Variants in NMRAL1 observed in about 807,000 individuals in gnomAD.
NMRAL1 encodes NmrA like redox sensor 1.
In NMRAL1, 32 loss-of-function variants were observed where a neutral mutation model predicts 27.5. The observed-to-expected ratio is 1.16, with a 90% CI of 0.88 to 1.56. The LOEUF (loss-of-function observed/expected upper bound fraction) is 1.56, where lower values mean the gene tolerates loss of function less well. Ranked by LOEUF, NMRAL1 falls within the 40% of genes most tolerant of loss-of-function variation. NMRAL1 has a pLI of 0.00. For missense variants in NMRAL1, 420 were observed against 392.0 expected (o/e 1.07, Z -0.60); for synonymous variants, 166 against 166.8 (o/e 1.00, Z 0.04).
In NMRAL1 at chr16:4,461,779, G is replaced by C. The variant is rs773633426; in HGVS notation, c.*1C>G. 9 of 1,610,550 alleles carry C rather than the reference G, an allele frequency of 5.6e-6. No homozygotes were observed. The South Asian group carries it at 7.7e-5, about 14-fold the overall frequency. ...CCACAAGGGGCCGCGAGGCGGGCAGGTCACAGCAGGTTGAAGTCCCCTTTG... is the reference window on the plus strand; with the variant it reads ...CCACAAGGGGCCGCGAGGCGGGCAGCTCACAGCAGGTTGAAGTCCCCTTTG... On this transcript the variant is annotated 3_prime_UTR_variant, in exon 6 of 6. Transcript: ENST00000283429.
intron 5 of NMRAL1, among the ~76,000 whole-genome samples, chr16:4,462,664 A>T (rs1031811314): frequency 6.6e-6 from 1 of 152,020 alleles, no homozygotes; most frequent in Non-Finnish European, 1.5e-5. Flanking sequence ...GCTTGAGCCC[A>T]GGAGTTAGGC....
intron 3 of NMRAL1, chr16:4,466,632 G>A (rs1032035243): frequency 1.8e-6 from 1 of 564,524 alleles, no homozygotes; most frequent in Non-Finnish European, 3.2e-6. Context: ...CCCACCATGT[G>A]CAACATAGGA....
intron 4 of NMRAL1, among the ~76,000 whole-genome samples, chr16:4,465,245 A>G (rs1051685302): frequency 1.2e-4 from 19 of 152,188 alleles, no homozygotes; most frequent in African/African-American, 4.6e-4. Flanking sequence ...GTGGTACCAA[A>G]GGGCTACTGT....
At chr16:4,474,052 G>C in intron 2 of NMRAL1, 41 bp downstream of exon 2, 1 of 1,552,694 alleles carries the variant, frequency 6.4e-7, no homozygotes, top group Middle Eastern at 1.7e-4. Context: ...AGGGCTAGGC[G>C]CCCTGGCTCT....
At chr16:4,474,774 C>T (rs1387382073), upstream of NMRAL1, 1 of 152,376 alleles carries the variant, frequency 6.6e-6, no homozygotes, top group Non-Finnish European at 1.5e-5. Flanking sequence ...GCCTCTTAAC[C>T]GGATGCTACG....
chr16:4,474,321 G>A (rs1015934317), intron 1 of NMRAL1, 155 bp from the exon 2 acceptor site: 20 of 579,250 alleles, frequency 3.5e-5, no homozygotes, highest in Non-Finnish European at 5.9e-5. Context: ...TCGGGGTCCC[G>A]CGACCCACCT....
At chr16:4,463,602 T>G (rs956083987) in intron 5 of NMRAL1, 58 bp downstream of exon 5, 10 of 1,537,064 alleles carry the variant, frequency 6.5e-6, no homozygotes, top group South Asian at 4.5e-5. Flanking sequence ...ACACCCTCCC[T>G]ACGGGAGCTA....
At position 4,471,300 on chromosome 16, in the gene NMRAL1, T is replaced by C. The variant is rs2057555139; in HGVS notation, c.41-1835A>G. On this transcript the variant is annotated intron_variant, in intron 2 of 5. Transcript: ENST00000283429. ...AGCTTGAGTCACACAGGCATGCGCA[T>C]CGGTCAGATGTACCCTTAAGATTTT... 4.6e-5 allele frequency: 7 copies of C among 152,218 alleles called. No individual in the cohort carries two copies. The South Asian group carries it at 1.4e-3, about 32-fold the overall frequency. The allele number at this position is 152,218 out of a possible 1,614,324, so 9.4% of individuals were successfully genotyped here. A position where few individuals can be genotyped will look rare whatever the true frequency, so the allele number is the denominator to read the frequency against.
Position 4,469,367 on chromosome 16 carries a change from G to C in NMRAL1, c.139C>G (p.Leu47Val), listed in dbSNP as rs779567114. The C allele has an allele frequency of 2.5e-6, 4 of 1,614,076 alleles. No individual in the cohort carries two copies. In the South Asian group the frequency reaches 3.3e-5, roughly 13 times the overall value. ...RNPRKKAAKE[L>V]RLQGAEVVQG... ...ACTACTTCTGCACCTTGCAGCCTCA[G>C]CTCCTTTGCTGCCTTCTTCCTAGGG... is the stretch of plus-strand genomic sequence containing the variant. Residue 47 changes from leucine to valine, a missense_variant, in exon 3 of 6, where the codon CTG (leucine) becomes GTG (valine). Transcript: ENST00000283429.
At chr16:4,462,079 G>A (rs1332622540) in intron 5 of NMRAL1, 120 bp from the exon 6 acceptor site, 5 of 794,612 alleles carry the variant, frequency 6.3e-6, no homozygotes, top group East Asian at 2.5e-5. Flanking sequence ...CTATTGTCTC[G>A]GTCCCTGACC....
At chr16:4,467,585 C>G (rs2057376537) in intron 3 of NMRAL1, among the ~76,000 whole-genome samples, 1 of 151,928 alleles carries the variant, frequency 6.6e-6, no homozygotes, top group South Asian at 2.1e-4. Context: ...TTTTGAACTT[C>G]TAGCTTCTAG....
chr16:4,463,710 ACTC>A lies in NMRAL1; in HGVS notation c.667_669del (p.Glu223del). ...GTGTGCTTGGTGAGCAGGGCAGCGT[ACTC>A]CTCGGCCGTGTGCCTGCAAGTGCTC... is the stretch of plus-strand genomic sequence containing the variant. On this transcript the variant is annotated inframe_deletion, in exon 5 of 6. Coordinates refer to ENST00000283429, the MANE Select transcript of NMRAL1 (RefSeq NM_020677.6). 6.2e-7 allele frequency: 1 copy of A among 1,613,578 alleles called. No individual in the cohort carries two copies. The highest frequency in any genetic ancestry group is 8.5e-7 in the Non-Finnish European group (1 of 1,179,902).
At position 4,462,001 on chromosome 16, in the gene NMRAL1, C is replaced by G. The variant is rs1420954415; in HGVS notation, c.721-42G>C. ...CTGTCGTGGCCGGCGTCCTCCAGTG[C>G]CCCGGGAGGTGGCGGGGCAGGGAGG... On this transcript the variant is annotated intron_variant, in intron 5 of 5. Transcript: ENST00000283429. 1.9e-6 allele frequency: 3 copies of G among 1,552,928 alleles called. No individual in the cohort carries two copies. The East Asian group carries it at 6.8e-5, about 35-fold the overall frequency.
At chr16:4,472,472 C>T (rs965319824) in intron 2 of NMRAL1, among the ~76,000 whole-genome samples, 7 of 151,834 alleles carry the variant, frequency 4.6e-5, no homozygotes, top group Non-Finnish European at 1.0e-4. Flanking sequence ...TGGCCGGGCG[C>T]GGTGGCTCAA....
chr16:4,467,595 G>A (rs1231943097), intron 3 of NMRAL1, among the ~76,000 whole-genome samples: 6 of 151,886 alleles, frequency 4.0e-5, no homozygotes, highest in African/African-American at 9.7e-5. Context: ...CTAGCTTCTA[G>A]AATATCAGAG....
intron 4 of NMRAL1, 44 bp from the exon 5 acceptor site, chr16:4,463,894 CAG>C (rs755731556): frequency 1.3e-4 from 210 of 1,558,476 alleles, no homozygotes; most frequent in East Asian, 3.8e-4. Context: ...CGAGGGCAGA[CAG>C]GGGCAGGGAC....
chr16:4,469,221 C>T lies in NMRAL1; in HGVS notation c.279+6G>A, dbSNP rs200122362. 234 of 1,606,446 alleles carry T rather than the reference C, an allele frequency of 1.5e-4. No homozygotes were observed. The highest frequency in any genetic ancestry group is 2.0e-4 in the Non-Finnish European group (229 of 1,173,642). On this transcript the variant is annotated splice_donor_region_variant and intron_variant, in intron 3 of 5. Coordinates refer to ENST00000283429, the MANE Select transcript of NMRAL1 (RefSeq NM_020677.6). ...GGGCCTCCCTGCAGCTCCTGCCTGC[C>T]CTCACCTGCTTGACCTCCTGCTCCT...
At chr16:4,474,282 C>T in intron 1 of NMRAL1, 116 bp from the exon 2 acceptor site, 1 of 718,430 alleles carries the variant, frequency 1.4e-6, no homozygotes, top group Non-Finnish European at 2.3e-6. Context: ...CGGCTGGGCC[C>T]GGAGCGGCAA....
intron 3 of NMRAL1, chr16:4,466,746 C>T: frequency 6.7e-6 from 2 of 297,424 alleles, no homozygotes; most frequent in South Asian, 3.8e-5. Context: ...CCATGGAGCT[C>T]AGCCATCTTC....
Sources: gnomAD v4.1 joint callset for allele counts (sites outside exome capture counted in the v4.1 genomes callset) on GRCh38, gnomAD v4.1.1 for gene constraint, MANE v1.5 for transcripts, NCBI Gene and HGNC (gene_info 2026-07-23, HGNC 2026-07-21) for gene names.